EYS: variants seen among roughly 807,000 people sequenced by gnomAD.
The protein encoded by EYS is protein eyes shut homolog.
In EYS, 250 loss-of-function variants were observed where a neutral mutation model predicts 282.1. The ratio of observed to expected loss-of-function variants is 0.89; its 90% CI spans 0.80 to 0.98. EYS has a LOEUF of 0.98. EYS is among the 50% of genes least tolerant of loss of function. The probability of loss-of-function intolerance (pLI) is 0.00; values close to 1 mark genes in which losing one functional copy is unlikely to be tolerated. For missense variants in EYS, 4,016 were observed against 3,709.0 expected (o/e 1.08, Z -2.15); for synonymous variants, 1,355 against 1,282.9 (o/e 1.06, Z -1.20).
At chr6:64,070,305 TCA>T (rs1209546915) in intron 32 of EYS, among the ~76,000 whole-genome samples, 1 of 152,142 alleles carries the variant, frequency 6.6e-6, no homozygotes, top group Non-Finnish European at 1.5e-5. Flanking sequence ...AAATATTGGT[TCA>T]GAGTTATGCA....
chr6:65,580,517 T>A (rs1374475042), intron 2 of EYS, among the ~76,000 whole-genome samples: 1 of 152,094 alleles, frequency 6.6e-6, no homozygotes, highest in African/African-American at 2.4e-5. Flanking sequence ...GAAAACCTAA[T>A]TTTGTAGAAT....
At chr6:65,629,967 G>T (rs1766856088) in intron 2 of EYS, among the ~76,000 whole-genome samples, 1 of 152,164 alleles carries the variant, frequency 6.6e-6, no homozygotes, top group South Asian at 2.1e-4. Flanking sequence ...AGACAAGAAG[G>T]ATAATAGAAA....
chr6:64,990,918 T>G (rs141736653), intron 14 of EYS, among the ~76,000 whole-genome samples: 240 of 151,660 alleles, frequency 1.6e-3, no homozygotes, highest in African/African-American at 5.3e-3. Flanking sequence ...CCTGATAAAT[T>G]TAATCAGTTT....
chr6:64,646,201 A>G (rs1768343530), intron 22 of EYS, among the ~76,000 whole-genome samples: 1 of 152,200 alleles, frequency 6.6e-6, no homozygotes, highest in South Asian at 2.1e-4. Context: ...CTGCCCTGTT[A>G]CTTCAGTTGA....
intron 2 of EYS, among the ~76,000 whole-genome samples, chr6:65,536,625 G>A (rs1767972286): frequency 6.6e-6 from 1 of 152,092 alleles, no homozygotes; most frequent in Non-Finnish European, 1.5e-5. Flanking sequence ...AGAAAAATGT[G>A]ATAGTAATAT....
intron 15 of EYS, among the ~76,000 whole-genome samples, chr6:64,934,267 GA>G (rs879919167): frequency 6.6e-6 from 1 of 151,190 alleles, no homozygotes; most frequent in Non-Finnish European, 1.5e-5. Context: ...AGGATCATCA[GA>G]AAAAAAATAA....
intron 2 of EYS, among the ~76,000 whole-genome samples, chr6:65,569,543 C>T (rs761712942): frequency 6.6e-6 from 1 of 152,202 alleles, no homozygotes; most frequent in East Asian, 1.9e-4. Context: ...CACAAGATTC[C>T]GAACCTCCTC....
intron 22 of EYS, among the ~76,000 whole-genome samples, chr6:64,647,928 C>T (rs1281060334): frequency 1.3e-5 from 2 of 152,104 alleles, no homozygotes; most frequent in South Asian, 2.1e-4. Context: ...AAAAAACATG[C>T]TTCCGTAAGA....
chr6:63,943,378 T>C (rs1337382474), intron 35 of EYS, among the ~76,000 whole-genome samples: 1 of 152,206 alleles, frequency 6.6e-6, no homozygotes, highest in African/African-American at 2.4e-5. Flanking sequence ...TTTTATAATG[T>C]GCAAAAATGC....
intron 36 of EYS, among the ~76,000 whole-genome samples, chr6:63,863,390 C>T (rs1772583323): frequency 6.6e-6 from 1 of 152,028 alleles, no homozygotes; most frequent in East Asian, 1.9e-4. Context: ...AAGAGAGACG[C>T]ATGTCTATTG....
intron 31 of EYS, among the ~76,000 whole-genome samples, chr6:64,197,974 T>G (rs1416096534): frequency 6.6e-6 from 1 of 150,936 alleles, no homozygotes; most frequent in East Asian, 1.9e-4. Flanking sequence ...CTATTTCTTT[T>G]TAATTTTTAT....
intron 36 of EYS, among the ~76,000 whole-genome samples, chr6:63,814,869 G>A (rs1771140516): frequency 6.6e-6 from 1 of 152,208 alleles, no homozygotes; most frequent in South Asian, 2.1e-4. Context: ...TATTACATAA[G>A]CTGTGCAGGT....
intron 32 of EYS, among the ~76,000 whole-genome samples, chr6:64,070,806 C>G (rs1251209803): frequency 3.3e-5 from 5 of 151,952 alleles, no homozygotes; most frequent in African/African-American, 1.2e-4. Context: ...TTTGAGTGGA[C>G]AGTGGAAAAG....
Position 65,335,069 on chromosome 6 carries a change from A to G in EYS, c.1677T>C (p.Ala559=), listed in dbSNP as rs759024204. The change falls in exon 11 of 43, where the codon GCT becomes GCC. Residue 559 remains alanine, a synonymous_variant. Coordinates refer to ENST00000503581, the MANE Select transcript of EYS (RefSeq NM_001142800.2). ...TTGTATTTTCCAGATACATGTTGCC[A>G]GCCCATCTGAGAAAACATAGATACC... is the stretch of plus-strand genomic sequence containing the variant. The part of the protein sequence containing the change: ...EYRYLCFLRW[A]GNMYLENTTD... 1 of 1,612,108 alleles carries G rather than the reference A, an allele frequency of 6.2e-7. No individual in the cohort carries two copies. Among genetic ancestry groups the G allele is most frequent in the Non-Finnish European group, 8.5e-7 (1 of 1,178,878 alleles).
intron 5 of EYS, among the ~76,000 whole-genome samples, chr6:65,420,252 T>C (rs1032611532): frequency 8.6e-5 from 13 of 152,014 alleles, no homozygotes; most frequent in Non-Finnish European, 1.8e-4. Context: ...CACTTGGTTT[T>C]ACCAACCAAA....
intron 22 of EYS, among the ~76,000 whole-genome samples, chr6:64,633,293 T>C (rs1157790611): frequency 6.6e-6 from 1 of 152,292 alleles, no homozygotes; most frequent in East Asian, 1.9e-4. Flanking sequence ...CCTGTCTCCG[T>C]AGTTATGAAT....
At chr6:64,307,500 A>G (rs1769498380) in intron 29 of EYS, among the ~76,000 whole-genome samples, 1 of 152,118 alleles carries the variant, frequency 6.6e-6, no homozygotes, top group African/African-American at 2.4e-5. Context: ...ATGAACTCAA[A>G]TACACAGAAA....
At position 64,591,771 on chromosome 6, in the gene EYS, T is replaced by C. The variant is rs1766419447; in HGVS notation, c.4096A>G (p.Thr1366Ala). Reference sequence around the variant, plus strand: ...CGAATAGGCATATGTGATACCGATGTTTTGTCCTGGACAATTTGTGCTGGG... The same window carrying C: ...CGAATAGGCATATGTGATACCGATGCTTTGTCCTGGACAATTTGTGCTGGG... ...RDPAQIVQDK[T>A]SVSHMPIRTS... The change falls in exon 26 of 43, where the codon ACA becomes GCA. Residue 1366 changes from threonine to alanine, a missense_variant. Thr to Ala is a moderately conservative substitution (Grantham distance 58). Transcript: ENST00000503581. 2 of 1,551,326 alleles carry C rather than the reference T, an allele frequency of 1.3e-6. No homozygotes were observed. Among genetic ancestry groups the C allele is most frequent in the Non-Finnish European group, 1.7e-6 (2 of 1,146,734 alleles).
intron 5 of EYS, among the ~76,000 whole-genome samples, chr6:65,441,605 G>C (rs906100753): frequency 1.9e-4 from 28 of 148,848 alleles, no homozygotes; most frequent in Non-Finnish European, 3.5e-4. Flanking sequence ...AATTACAGTG[G>C]AAAATATTCT....
Sources: gnomAD v4.1 joint callset for allele counts (sites outside exome capture counted in the v4.1 genomes callset) on GRCh38, gnomAD v4.1.1 for gene constraint, MANE v1.5 for transcripts, NCBI Gene and HGNC (gene_info 2026-07-23, HGNC 2026-07-21) for gene names.